FHL2: variants seen among roughly 807,000 people sequenced by gnomAD.
The protein encoded by FHL2 is four and a half LIM domains protein 2.
Under a neutral mutation model 32.7 loss-of-function variants are expected in FHL2, and 20 were observed. That is an observed-to-expected ratio of 0.61 (90% CI 0.43 to 0.89). The LOEUF is 0.89. Among genes scored for constraint, FHL2 ranks in the 40% least tolerant of loss-of-function variants. The pLI, the probability that FHL2 is intolerant of heterozygous loss-of-function variation, is 0.00. For missense variants in FHL2, 311 were observed against 358.6 expected, an observed-to-expected ratio of 0.87 and a Z score of 1.07; for synonymous variants, 123 against 128.1, an observed-to-expected ratio of 0.96 and a Z score of 0.27.
chr2:105,362,903 C>T (rs776210884), intron 6 of FHL2: 14 of 179,332 alleles, frequency 7.8e-5, no homozygotes, highest in South Asian at 2.9e-4. Context: ...GGAGTACAAC[C>T]GTCCCACTAA....
At chr2:105,359,378 A>C (rs559758980), downstream of FHL2, 8 of 152,342 alleles carry the variant, frequency 5.3e-5, no homozygotes, top group East Asian at 1.5e-3. Context: ...ACCTCAAGTC[A>C]ACTATAAAAC....
At position 105,416,569 on chromosome 2, in the gene FHL2, T is replaced by C. The variant is rs1437293226; in HGVS notation, c.-25+21830A>G. ...GAATCTGAAATCACATCAATACTTTTCATATTCTATTACATTAAAGCCCAT... is the reference window on the plus strand; with the variant it reads ...GAATCTGAAATCACATCAATACTTTCCATATTCTATTACATTAAAGCCCAT... On this transcript the variant is annotated intron_variant, in intron 1 of 5. Coordinates refer to the FHL2 transcript ENST00000393352. 2.6e-5 allele frequency among the ~76,000 whole-genome samples: 4 copies of C among 152,256 alleles called. No homozygotes were observed. The South Asian group carries it at 8.3e-4, about 31-fold the overall frequency.
chr2:105,409,398 G>T (rs1683729857), intron 1 of FHL2, among the ~76,000 whole-genome samples: 2 of 152,186 alleles, frequency 1.3e-5, no homozygotes, highest in South Asian at 4.1e-4. Flanking sequence ...GCTCATGTGT[G>T]GCTGTGGCTA....
At chr2:105,399,148 C>T, upstream of FHL2, 2 of 1,365,810 alleles carry the variant, frequency 1.5e-6, no homozygotes, top group Non-Finnish European at 1.9e-6. Context: ...GGGCGTGGGG[C>T]GCGGGGGGCG....
chr2:105,400,109 A>G (rs568694018), upstream of FHL2, among the ~76,000 whole-genome samples: 8 of 152,148 alleles, frequency 5.3e-5, no homozygotes, highest in Non-Finnish European at 8.8e-5. Context: ...TCTACCTGGT[A>G]TCTCATTTGA....
chr2:105,361,318 C>T lies in FHL2; in HGVS notation c.805G>A (p.Asp269Asn), dbSNP rs770706113. Residue 269 changes from aspartate to asparagine, a missense_variant, in exon 7 of 7, where the codon GAC (aspartate) becomes AAC (asparagine). Asp to Asn is a conservative substitution (Grantham distance 23, BLOSUM62 1). Transcript: ENST00000530340. ...VGRGFLTERD[D>N]ILCPDCGKDI is the part of the protein sequence containing the mutation. Reference sequence around the variant, plus strand: ...TTCCCACAGTCGGGGCACAGGATGTCGTCCCTCTCTGTGAGGAAGCCACGC... The same window carrying T: ...TTCCCACAGTCGGGGCACAGGATGTTGTCCCTCTCTGTGAGGAAGCCACGC... 6.2e-6 allele frequency: 10 copies of T among 1,614,070 alleles called. No homozygotes were observed. The highest frequency in any genetic ancestry group is 4.5e-5 in the East Asian group (2 of 44,876).
chr2:105,412,094 G>T (rs1482832552), intron 1 of FHL2, among the ~76,000 whole-genome samples: 2 of 152,200 alleles, frequency 1.3e-5, no homozygotes, highest in African/African-American at 2.4e-5. Flanking sequence ...ATATCTAAAA[G>T]AATTGAAAGC....
intron 1 of FHL2, among the ~76,000 whole-genome samples, chr2:105,412,849 C>T (rs781182620): frequency 2.7e-4 from 41 of 152,126 alleles, no homozygotes; most frequent in South Asian, 8.3e-4. Flanking sequence ...CTGTTGGTGA[C>T]GTCTGAATGT....
Position 105,433,433 on chromosome 2 carries a change from C to T in FHL2, c.-25+4966G>A, listed in dbSNP as rs368221149. ...CTGACTTCAGGTGATCTGCCCACCTCGGCCTCCCAAAGTGCTGGGATTACA... is the reference window on the plus strand; with the variant it reads ...CTGACTTCAGGTGATCTGCCCACCTTGGCCTCCCAAAGTGCTGGGATTACA... On this transcript the variant is annotated intron_variant, in intron 1 of 5. Coordinates refer to the FHL2 transcript ENST00000393352. Among the ~76,000 whole-genome samples, 10 of 152,296 alleles carry T rather than the reference C, an allele frequency of 6.6e-5. No homozygotes were observed. In the East Asian group the frequency reaches 9.7e-4, roughly 15 times the overall value.
upstream of FHL2, among the ~76,000 whole-genome samples, chr2:105,400,819 T>C (rs1447361121): frequency 6.6e-6 from 1 of 152,024 alleles, no homozygotes; most frequent in East Asian, 1.9e-4. Context: ...GGTTCAGCTA[T>C]GTTGTGTTTT....
At chr2:105,434,714 A>G (rs1005685581) in intron 1 of FHL2, among the ~76,000 whole-genome samples, 7 of 152,190 alleles carry the variant, frequency 4.6e-5, no homozygotes, top group African/African-American at 1.7e-4. Flanking sequence ...ATGTTTACCT[A>G]TAGTGCTGTT....
intron 5 of FHL2, among the ~76,000 whole-genome samples, chr2:105,365,405 A>C (rs1182417927): frequency 2.0e-5 from 3 of 152,206 alleles, no homozygotes; most frequent in Non-Finnish European, 4.4e-5. Flanking sequence ...ACATGCACAC[A>C]AAAAGCATGC....
chr2:105,403,543 G>T (rs1573385179), upstream of FHL2, among the ~76,000 whole-genome samples: 1 of 152,318 alleles, frequency 6.6e-6, no homozygotes, highest in South Asian at 2.1e-4. Context: ...CGGCTAGCAG[G>T]TCTCAAAGCC....
At position 105,367,707 on chromosome 2, in the gene FHL2, A is replaced by G. The variant is rs1680735123; in HGVS notation, c.364T>C (p.Trp122Arg). The change falls in exon 5 of 7, where the codon TGG becomes CGG. Residue 122 changes from tryptophan to arginine, a missense_variant. By Grantham distance (101) the Trp-to-Arg change is moderately radical (BLOSUM62 -3). Transcript: ENST00000530340. ...TGGCAGATGAAGCAGGTCTCATGCCAGCTGCTGCCCTTGTACTCCATCTTG... is the reference window on the plus strand; with the variant it reads ...TGGCAGATGAAGCAGGTCTCATGCCGGCTGCTGCCCTTGTACTCCATCTTG... ...TRKMEYKGSS[W>R]HETCFICHRC... 1 of 1,614,082 alleles carries G rather than the reference A, an allele frequency of 6.2e-7. No homozygotes were observed. Among genetic ancestry groups the G allele is most frequent in the African/African-American group, 1.3e-5 (1 of 74,946 alleles).
At chr2:105,401,673 G>A (rs1683471719), upstream of FHL2, among the ~76,000 whole-genome samples, 1 of 152,116 alleles carries the variant, frequency 6.6e-6, no homozygotes, top group Non-Finnish European at 1.5e-5. Flanking sequence ...ATACAGTATG[G>A]TGCATTTTAG....
chr2:105,438,132 A>G (rs543909577), intron 1 of FHL2, among the ~76,000 whole-genome samples: 2 of 152,310 alleles, frequency 1.3e-5, no homozygotes, highest in South Asian at 4.1e-4. Flanking sequence ...ATTCCCAATG[A>G]GCAGGGGTTC....
At chr2:105,370,471 T>G (rs1454145874) in intron 4 of FHL2, among the ~76,000 whole-genome samples, 1 of 151,944 alleles carries the variant, frequency 6.6e-6, no homozygotes, top group Non-Finnish European at 1.5e-5. Context: ...GGTGCATCTG[T>G]AAGCAACGTC....
chr2:105,384,412 C>T (rs544423947), intron 3 of FHL2, among the ~76,000 whole-genome samples: 1 of 152,284 alleles, frequency 6.6e-6, no homozygotes, highest in African/African-American at 2.4e-5. Flanking sequence ...CTGGAGCTTA[C>T]CCTGTCAGCT....
chr2:105,407,620 C>G (rs1253155764), intron 1 of FHL2, among the ~76,000 whole-genome samples: 1 of 152,014 alleles, frequency 6.6e-6, no homozygotes, highest in Non-Finnish European at 1.5e-5. Flanking sequence ...ACTTGGGAAT[C>G]TCTGCCTGAA....
Sources: gnomAD v4.1 joint callset for allele counts (sites outside exome capture counted in the v4.1 genomes callset) on GRCh38, gnomAD v4.1.1 for gene constraint, MANE v1.5 for transcripts, NCBI Gene and HGNC (gene_info 2026-07-23, HGNC 2026-07-21) for gene names.